CSMD1: variants seen among roughly 807,000 people sequenced by gnomAD.
CSMD1 encodes the protein CUB and sushi domain-containing protein 1.
In CSMD1, 213 loss-of-function variants were observed where a neutral mutation model predicts 417.5. The observed-to-expected ratio is 0.51, with a 90% CI of 0.46 to 0.57. CSMD1 has a LOEUF of 0.57. CSMD1 is among the 20% of genes least tolerant of loss of function. The probability of loss-of-function intolerance (pLI) is 0.00; values close to 1 mark genes in which losing one functional copy is unlikely to be tolerated. For missense variants in CSMD1, 6,923 were observed against 4,529.7 expected, an observed-to-expected ratio of 1.53 and a Z score of -15.17; for synonymous variants, 2,862 against 1,736.8, an observed-to-expected ratio of 1.65 and a Z score of -16.11.
At chr8:4,124,232 G>A (rs372302059) in intron 3 of CSMD1, among the ~76,000 whole-genome samples, 43 of 152,260 alleles carry the variant, frequency 2.8e-4, no homozygotes, top group Middle Eastern at 6.8e-3. Context: ...GGGCAGGGGA[G>A]TGTGAGGCCT....
At chr8:3,465,094 G>C (rs1486606028) in intron 12 of CSMD1, among the ~76,000 whole-genome samples, 1 of 152,068 alleles carries the variant, frequency 6.6e-6, no homozygotes, top group East Asian at 1.9e-4. Flanking sequence ...CTGAAGTCTA[G>C]CAAGAGCGTT....
chr8:4,237,174 C>A (rs1053376192), intron 3 of CSMD1, among the ~76,000 whole-genome samples: 1 of 152,166 alleles, frequency 6.6e-6, no homozygotes, highest in Non-Finnish European at 1.5e-5. Flanking sequence ...ATCAAGCTCC[C>A]TTCGCCTTTC....
intron 3 of CSMD1, among the ~76,000 whole-genome samples, chr8:4,352,059 T>G (rs77479352): frequency 0.016 from 2,508 of 152,088 alleles, 65 homozygotes; most frequent in African/African-American, 0.057. Context: ...TGGTCTACAA[T>G]TATTCAGTGT....
intron 26 of CSMD1, among the ~76,000 whole-genome samples, chr8:3,257,967 C>T (rs552791918): frequency 3.3e-5 from 5 of 152,172 alleles, no homozygotes; most frequent in East Asian, 1.9e-4. Flanking sequence ...CATGGAGAGG[C>T]CGTGAGACCA....
chr8:3,669,947 C>G (rs1367555826), intron 7 of CSMD1, among the ~76,000 whole-genome samples: 1 of 152,080 alleles, frequency 6.6e-6, no homozygotes, highest in African/African-American at 2.4e-5. Flanking sequence ...AATAACACAC[C>G]CAAGGATATA....
intron 5 of CSMD1, among the ~76,000 whole-genome samples, chr8:3,837,166 G>C (rs1802766093): frequency 1.3e-5 from 2 of 151,634 alleles, no homozygotes; most frequent in African/African-American, 4.8e-5. Flanking sequence ...AAAAAAATCT[G>C]TTCACATCAG....
chr8:4,593,890 G>A (rs534538279), intron 2 of CSMD1, among the ~76,000 whole-genome samples: 4 of 152,134 alleles, frequency 2.6e-5, no homozygotes, highest in African/African-American at 9.7e-5. Flanking sequence ...AAAGCAACAG[G>A]AATTTATTGT....
intron 10 of CSMD1, among the ~76,000 whole-genome samples, chr8:3,527,406 T>G (rs865797134): frequency 6.6e-6 from 1 of 152,040 alleles, no homozygotes; most frequent in African/African-American, 2.4e-5. Flanking sequence ...AATGACAAAA[T>G]TATAGGGATG....
chr8:4,184,578 G>C (rs1467927658), intron 3 of CSMD1, among the ~76,000 whole-genome samples: 1 of 152,004 alleles, frequency 6.6e-6, no homozygotes, highest in Non-Finnish European at 1.5e-5. Flanking sequence ...GGATGGAGCT[G>C]TAGACCATTA....
At chr8:3,162,096 T>A in intron 38 of CSMD1, 63 bp downstream of exon 38, 12 of 1,086,694 alleles carry the variant, frequency 1.1e-5, no homozygotes, top group Non-Finnish European at 1.2e-5. Context: ...GGCTTTGGCT[T>A]TAAGAGAGCT....
intron 2 of CSMD1, among the ~76,000 whole-genome samples, chr8:4,487,970 A>G (rs1801500490): frequency 6.6e-6 from 1 of 152,172 alleles, no homozygotes; most frequent in Admixed American, 6.5e-5. Context: ...CGAAATGTAT[A>G]TGTGAAAATC....
chr8:3,918,022 A>C (rs985237494), intron 5 of CSMD1, among the ~76,000 whole-genome samples: 15 of 152,130 alleles, frequency 9.9e-5, no homozygotes, highest in Non-Finnish European at 2.2e-4. Context: ...TGCAAATGGC[A>C]CAATTTCCTT....
chr8:3,542,181 G>A (rs1042408612), intron 10 of CSMD1, among the ~76,000 whole-genome samples: 1 of 152,016 alleles, frequency 6.6e-6, no homozygotes, highest in Non-Finnish European at 1.5e-5. Context: ...AAAACTAAGA[G>A]TCTTGCTTGA....
chr8:3,977,634 T>C (rs1208016346), intron 5 of CSMD1, among the ~76,000 whole-genome samples: 1 of 152,210 alleles, frequency 6.6e-6, no homozygotes, highest in East Asian at 1.9e-4. Flanking sequence ...ATTGCCACTC[T>C]TGAGAGAAAT....
At chr8:3,097,101 T>G in intron 46 of CSMD1, 64 bp from the exon 47 acceptor site, 1 of 1,247,674 alleles carries the variant, frequency 8.0e-7, no homozygotes, top group Non-Finnish European at 1.1e-6. Context: ...AATAGGATAG[T>G]TTCTATCCCT....
At chr8:3,713,988 T>C (rs1479858694) in intron 6 of CSMD1, among the ~76,000 whole-genome samples, 4 of 151,888 alleles carry the variant, frequency 2.6e-5, no homozygotes, top group Non-Finnish European at 2.9e-5. Flanking sequence ...AATATTGAAA[T>C]CTTTGTAAAT....
chr8:3,622,644 A>G (rs1174106729), intron 7 of CSMD1, among the ~76,000 whole-genome samples: 1 of 152,376 alleles, frequency 6.6e-6, no homozygotes, highest in Non-Finnish European at 1.5e-5. Context: ...ATGGTAGAAG[A>G]TAACAAAAAG....
chr8:3,259,860 CAAAAT>C (rs1195042332), intron 26 of CSMD1, among the ~76,000 whole-genome samples: 1 of 57,806 alleles, frequency 1.7e-5, no homozygotes, highest in African/African-American at 5.0e-5. Flanking sequence ...TAAAAAATAT[CAAAAT>C]AAAATATTAA....
At chr8:4,787,229 C>T (rs1480380657) in intron 1 of CSMD1, 6 of 494,736 alleles carry the variant, frequency 1.2e-5, no homozygotes, top group Non-Finnish European at 2.3e-5. Context: ...CGCCTGGGGG[C>T]CGCGCCTCCT....
Sources: gnomAD v4.1 joint callset for allele counts (sites outside exome capture counted in the v4.1 genomes callset) on GRCh38, gnomAD v4.1.1 for gene constraint, MANE v1.5 for transcripts, NCBI Gene and HGNC (gene_info 2026-07-23, HGNC 2026-07-21) for gene names.